Variants in SMAP1 observed in about 807,000 individuals in gnomAD.
SMAP1 encodes the protein stromal membrane-associated protein 1.
In SMAP1, 24 loss-of-function variants were observed where a neutral mutation model predicts 58.5. The observed-to-expected ratio is 0.41, with a 90% CI of 0.30 to 0.58. The LOEUF (loss-of-function observed/expected upper bound fraction) is 0.58, where lower values mean the gene tolerates loss of function less well. Ranked by LOEUF, SMAP1 falls within the 20% of genes least tolerant of loss-of-function variation. SMAP1 has a pLI of 0.29. For synonymous variants in SMAP1, 216 were observed against 196.6 expected, an observed-to-expected ratio of 1.10 and a Z score of -0.82; for missense variants, 563 against 566.3, an observed-to-expected ratio of 0.99 and a Z score of 0.06.
chr6:70,735,816 C>CT (rs1190193360), intron 2 of SMAP1, among the ~76,000 whole-genome samples: 17 of 152,276 alleles, frequency 1.1e-4, no homozygotes, highest in African/African-American at 3.9e-4. Context: ...AAGAGAAATA[C>CT]TTTTACTGTA....
intron 2 of SMAP1, among the ~76,000 whole-genome samples, chr6:70,740,176 T>G (rs763353666): frequency 4.1e-4 from 62 of 152,168 alleles, no homozygotes; most frequent in Admixed American, 1.1e-3. Flanking sequence ...CAATATTAAT[T>G]TTCCTTTACT....
chr6:70,722,546 GAC>G (rs1582061767), intron 1 of SMAP1, among the ~76,000 whole-genome samples: 1 of 152,230 alleles, frequency 6.6e-6, no homozygotes, highest in East Asian at 1.9e-4. Flanking sequence ...AGGAATTAAA[GAC>G]ACACAGACAG....
At chr6:70,723,977 G>GA (rs1052908413) in intron 1 of SMAP1, among the ~76,000 whole-genome samples, 19 of 148,956 alleles carry the variant, frequency 1.3e-4, no homozygotes, top group South Asian at 1.1e-3. Context: ...CAAGTATATT[G>GA]AAAAAAAAAG....
intron 2 of SMAP1, among the ~76,000 whole-genome samples, chr6:70,745,327 A>G (rs1429722747): frequency 6.6e-6 from 1 of 152,198 alleles, no homozygotes; most frequent in Non-Finnish European, 1.5e-5. Context: ...TAAGTCTTTA[A>G]TCCATCTTGA....
intron 1 of SMAP1, among the ~76,000 whole-genome samples, chr6:70,712,247 G>A (rs1768085624): frequency 6.6e-6 from 1 of 152,200 alleles, no homozygotes; most frequent in African/African-American, 2.4e-5. Context: ...ATTGATTTGT[G>A]TATGTTAAGC....
chr6:70,753,043 CTAAT>C (rs1334683022), intron 2 of SMAP1, among the ~76,000 whole-genome samples: 1 of 150,662 alleles, frequency 6.6e-6, no homozygotes, highest in African/African-American at 2.4e-5. Context: ...TGCCTTGTTC[CTAAT>C]TATTTTTTAT....
intron 3 of SMAP1, among the ~76,000 whole-genome samples, chr6:70,761,887 C>T (rs1223446082): frequency 1.3e-5 from 2 of 152,004 alleles, no homozygotes; most frequent in Non-Finnish European, 2.9e-5. Flanking sequence ...ATACTAAGTG[C>T]TTTATGTATA....
At chr6:70,833,953 A>G (rs1469066755) in intron 6 of SMAP1, among the ~76,000 whole-genome samples, 1 of 152,204 alleles carries the variant, frequency 6.6e-6, no homozygotes, top group Non-Finnish European at 1.5e-5. Context: ...ACAGTTTCCT[A>G]TGAAAATGGT....
At chr6:70,695,670 GTTTAA>G (rs1034298987) in intron 1 of SMAP1, among the ~76,000 whole-genome samples, 1 of 152,124 alleles carries the variant, frequency 6.6e-6, no homozygotes, top group Non-Finnish European at 1.5e-5. Context: ...TTAATATGTT[GTTTAA>G]TTTGATTTGC....
intron 4 of SMAP1, among the ~76,000 whole-genome samples, chr6:70,776,036 A>AACAAAGAG (rs2149918203): frequency 6.6e-6 from 1 of 152,280 alleles, no homozygotes; most frequent in African/African-American, 2.4e-5. Flanking sequence ...AGGATACTAA[A>AACAAAGAG]ACAAAGAGGA....
intron 6 of SMAP1, among the ~76,000 whole-genome samples, chr6:70,804,823 C>T (rs571083244): frequency 4.7e-4 from 71 of 152,122 alleles, no homozygotes; most frequent in Non-Finnish European, 8.5e-4. Flanking sequence ...TGTATATTGA[C>T]CCCCACTCTC....
intron 3 of SMAP1, among the ~76,000 whole-genome samples, chr6:70,758,333 A>C (rs1384521373): frequency 7.1e-6 from 1 of 141,536 alleles, no homozygotes; most frequent in East Asian, 2.2e-4. Flanking sequence ...GATCACATGG[A>C]CACAGGAAGG....
At chr6:70,766,666 G>A (rs928916971) in intron 3 of SMAP1, among the ~76,000 whole-genome samples, 22 of 152,032 alleles carry the variant, frequency 1.4e-4, no homozygotes, top group African/African-American at 4.1e-4. Flanking sequence ...AGATGAATAG[G>A]TTGCAAAAAT....
intron 1 of SMAP1, among the ~76,000 whole-genome samples, chr6:70,721,602 C>T (rs1045787944): frequency 3.3e-5 from 5 of 152,122 alleles, no homozygotes; most frequent in African/African-American, 7.2e-5. Flanking sequence ...CAGTAACGCC[C>T]CACTCTCCTG....
chr6:70,778,469 A>C (rs1023991479), intron 4 of SMAP1, among the ~76,000 whole-genome samples: 1 of 152,238 alleles, frequency 6.6e-6, no homozygotes, highest in Non-Finnish European at 1.5e-5. Flanking sequence ...AAAAGATGAT[A>C]AAGTTTTTGT....
rs1267795021 is a variant in SMAP1 at position 70,798,648 on chromosome 6, G to A, written c.496-9G>A. 1.1e-5 allele frequency: 17 copies of A among 1,495,870 alleles called. No individual in the cohort carries two copies. Among genetic ancestry groups the A allele is most frequent in the Non-Finnish European group, 1.5e-5 (17 of 1,124,196 alleles). 92.7% of individuals were successfully genotyped at this position (1,495,870 alleles called of 1,614,324 possible). ...AGTAAACTTATCAAAACTTTGGGCT[G>A]TGTTTTAGAAAGAAAAGGAAAAAAA... On this transcript the variant is annotated splice_polypyrimidine_tract_variant and intron_variant, in intron 5 of 10. Transcript: ENST00000370455.
At chr6:70,824,474 A>G (rs1393901558) in intron 6 of SMAP1, among the ~76,000 whole-genome samples, 6 of 152,204 alleles carry the variant, frequency 3.9e-5, no homozygotes, top group East Asian at 3.9e-4. Flanking sequence ...TTTTTCTTCC[A>G]CAGTCTCTGT....
chr6:70,787,644 T>G (rs1768118200), intron 4 of SMAP1, among the ~76,000 whole-genome samples: 1 of 152,054 alleles, frequency 6.6e-6, no homozygotes, highest in South Asian at 2.1e-4. Flanking sequence ...GCAAAGGATA[T>G]GAACAGACAC....
chr6:70,802,878 C>G (rs56198955), intron 6 of SMAP1, among the ~76,000 whole-genome samples: 66,797 of 151,760 alleles, frequency 0.44, 14,961 homozygotes, highest in South Asian at 0.5. Flanking sequence ...GGTGGATAAG[C>G]TTTTCGATGT....
Sources: allele counts gnomAD v4.1 joint callset (sites outside exome capture counted in the v4.1 genomes callset), GRCh38; gene constraint gnomAD v4.1.1; transcripts MANE v1.5; gene names NCBI Gene and HGNC (gene_info 2026-07-23, HGNC 2026-07-21).